Variants in C7orf33 observed in about 807,000 individuals in gnomAD.
C7orf33 encodes chromosome 7 open reading frame 33.
A neutral mutation model predicts 13.4 loss-of-function variants in C7orf33; 15 were observed. That is an observed-to-expected ratio of 1.12 (90% confidence interval 0.75 to 1.72). The LOEUF is 1.72. Ranked by LOEUF, C7orf33 falls within the 40% of genes most tolerant of loss-of-function variation. The pLI is 0.00. For synonymous variants in C7orf33, 73 were observed against 83.2 expected, an observed-to-expected ratio of 0.88 and a Z score of 0.67; for missense variants, 187 against 220.3, an observed-to-expected ratio of 0.85 and a Z score of 0.96.
intron 1 of C7orf33, among the ~76,000 whole-genome samples, chr7:148,607,742 C>T (rs931470191): frequency 2.0e-5 from 3 of 152,138 alleles, no homozygotes; most frequent in Non-Finnish European, 4.4e-5. Context: ...CACCAACAAA[C>T]GTATTTTTTG....
chr7:148,607,554 A>G (rs1001780366), intron 1 of C7orf33, among the ~76,000 whole-genome samples: 1 of 152,230 alleles, frequency 6.6e-6, no homozygotes, highest in Admixed American at 6.5e-5. Flanking sequence ...GTTTTATGCC[A>G]CTACAGGACT....
At position 148,615,379 on chromosome 7, in the gene C7orf33, T is replaced by C. The variant is rs199759347; in HGVS notation, c.512T>C (p.Ile171Thr). ...CAGAATTCTGTTGAGGCCACAAGGA[T>C]TTCCAGAACTGACAGCAGTTAAGAA... ...KLQNSVEATRISRTDSS is the reference protein window; with the variant it reads ...KLQNSVEATRTSRTDSS The change falls in exon 3 of 3, where the codon ATT becomes ACT. Residue 171 changes from isoleucine (I) to threonine (T), a missense_variant. Coordinates refer to ENST00000307003, the MANE Select transcript of C7orf33 (RefSeq NM_145304.4). 1.6e-5 allele frequency: 25 copies of C among 1,612,866 alleles called. No individual in the cohort carries two copies. The highest frequency in any genetic ancestry group is 2.1e-5 in the Non-Finnish European group (25 of 1,178,996).
chr7:148,612,109 A>G (rs79789074), intron 1 of C7orf33, among the ~76,000 whole-genome samples: 1 of 152,364 alleles, frequency 6.6e-6, no homozygotes, highest in African/African-American at 2.4e-5. Flanking sequence ...GCTTGATTAA[A>G]TTCTCCCCAG....
Position 148,609,198 on chromosome 7 carries a change from CCT to C in C7orf33, c.205-4843_205-4842del, listed in dbSNP as rs570030086. On this transcript the variant is annotated intron_variant, in intron 1 of 2. Transcript: ENST00000307003. ...TAAATACAGTACTAACTCCCATCCC[CCT>C]GAGTACTAGCTACTAGTAAAATGAG... Among the ~76,000 whole-genome samples the C allele has an allele frequency of 3.3e-5, 5 of 152,048 alleles. 1 individual carries two copies. Among genetic ancestry groups the C allele is most frequent in the African/African-American group, 1.2e-4 (5 of 41,492 alleles).
chr7:148,595,273 CTATATTATATAGATA>C (rs1373275768), intron 1 of C7orf33, among the ~76,000 whole-genome samples: 7 of 135,386 alleles, frequency 5.2e-5, no homozygotes, highest in South Asian at 4.6e-4. Flanking sequence ...ATAGAGATAT[CTATATTATATAGATA>C]TATATTATAT....
intron 2 of C7orf33, 90 bp downstream of exon 2, chr7:148,614,386 G>A: frequency 7.2e-7 from 1 of 1,380,968 alleles, no homozygotes; most frequent in East Asian, 2.3e-5. Context: ...TGGAGGGATT[G>A]TTGCATTCTT....
At chr7:148,602,344 C>T (rs894115372) in intron 1 of C7orf33, among the ~76,000 whole-genome samples, 24 of 151,278 alleles carry the variant, frequency 1.6e-4, no homozygotes, top group African/African-American at 5.8e-4. Context: ...ACCTGTAAAC[C>T]CAGCCACTTC....
chr7:148,595,749 TAA>T (rs1041426702), intron 1 of C7orf33, among the ~76,000 whole-genome samples: 1 of 141,820 alleles, frequency 7.1e-6, no homozygotes, highest in African/African-American at 2.7e-5. Flanking sequence ...TATATAGATA[TAA>T]TATATATATA....
intron 2 of C7orf33, among the ~76,000 whole-genome samples, chr7:148,615,019 A>G (rs1240503032): frequency 6.6e-6 from 1 of 152,148 alleles, no homozygotes; most frequent in Non-Finnish European, 1.5e-5. Flanking sequence ...AACTGGTGGG[A>G]GCTGGTAGAG....
At chr7:148,607,961 A>G (rs1796492424) in intron 1 of C7orf33, among the ~76,000 whole-genome samples, 1 of 152,048 alleles carries the variant, frequency 6.6e-6, no homozygotes, top group African/African-American at 2.4e-5. Context: ...GCCCGATAAA[A>G]TGGCCTTCAA....
At chr7:148,610,575 T>G (rs1234340228) in intron 1 of C7orf33, among the ~76,000 whole-genome samples, 1 of 152,086 alleles carries the variant, frequency 6.6e-6, no homozygotes, top group Non-Finnish European at 1.5e-5. Context: ...TCATATAATA[T>G]TTTATGTGTG....
chr7:148,610,830 C>G (rs2116902836), intron 1 of C7orf33, among the ~76,000 whole-genome samples: 1 of 152,232 alleles, frequency 6.6e-6, no homozygotes, highest in East Asian at 1.9e-4. Context: ...ATTGCTCCCC[C>G]ACCAAAAGGA....
intron 1 of C7orf33, among the ~76,000 whole-genome samples, chr7:148,603,173 G>T (rs533896315): frequency 6.6e-6 from 1 of 152,162 alleles, no homozygotes; most frequent in East Asian, 1.9e-4. Flanking sequence ...GGAAAGCCAG[G>T]TTCCTAGCGG....
At chr7:148,614,424 A>C in intron 2 of C7orf33, 128 bp downstream of exon 2, 3 of 1,086,694 alleles carry the variant, frequency 2.8e-6, no homozygotes. Flanking sequence ...ATATTCTCTG[A>C]ATGTCCAGCA....
At chr7:148,597,632 A>T (rs57496229) in intron 1 of C7orf33, among the ~76,000 whole-genome samples, 2,436 of 152,260 alleles carry the variant, frequency 0.016, 57 homozygotes, top group African/African-American at 0.056. Flanking sequence ...AAGAATCTTC[A>T]TGCTACTATC....
intron 1 of C7orf33, among the ~76,000 whole-genome samples, chr7:148,606,639 C>T (rs1284348722): frequency 1.3e-5 from 2 of 152,156 alleles, no homozygotes; most frequent in East Asian, 1.9e-4. Context: ...AGTATAGTGG[C>T]GTGATCTCAG....
chr7:148,607,680 T>A (rs983780775), intron 1 of C7orf33, among the ~76,000 whole-genome samples: 2 of 152,078 alleles, frequency 1.3e-5, no homozygotes, highest in Non-Finnish European at 2.9e-5. Context: ...TTTCTTTGAG[T>A]TTTTTGACCA....
chr7:148,591,565 G>A (rs1053423109), intron 1 of C7orf33, among the ~76,000 whole-genome samples: 1 of 151,920 alleles, frequency 6.6e-6, no homozygotes, highest in Non-Finnish European at 1.5e-5. Flanking sequence ...CTCTTCTCTC[G>A]CTTTAAAGAC....
At position 148,615,507 on chromosome 7, in the gene C7orf33, A is replaced by G. The variant is rs568081278; in HGVS notation, c.*106A>G. The G allele has an allele frequency of 2.7e-6, 2 of 740,848 alleles. No individual in the cohort carries two copies. The highest frequency in any genetic ancestry group is 1.8e-5 in the African/African-American group (1 of 56,018). 45.9% of individuals were successfully genotyped at this position (740,848 alleles called of 1,614,324 possible). On this transcript the variant is annotated 3_prime_UTR_variant, in exon 3 of 3. Transcript: ENST00000307003. ...GCTGAAGTTCTGGAAATAACAGTTGATGAAAACTTGGTAATCTGAAGTCTG... is the reference window on the plus strand; with the variant it reads ...GCTGAAGTTCTGGAAATAACAGTTGGTGAAAACTTGGTAATCTGAAGTCTG...
Sources: allele counts gnomAD v4.1 joint callset (sites outside exome capture counted in the v4.1 genomes callset), GRCh38; gene constraint gnomAD v4.1.1; transcripts MANE v1.5; gene names NCBI Gene and HGNC (gene_info 2026-07-23, HGNC 2026-07-21).